Variants in IGFBP2 observed in about 807,000 individuals in gnomAD.
IGFBP2 encodes insulin like growth factor binding protein 2.
Under a neutral mutation model 26.2 loss-of-function variants are expected in IGFBP2, and 12 were observed. The ratio of observed to expected loss-of-function variants is 0.46; its 90% CI spans 0.29 to 0.74. The LOEUF is 0.74. Ranked by LOEUF, IGFBP2 falls within the 30% of genes least tolerant of loss-of-function variation. IGFBP2 has a pLI of 0.09. For synonymous variants in IGFBP2, 189 were observed against 200.6 expected, an observed-to-expected ratio of 0.94 and a Z score of 0.49; for missense variants, 328 against 441.2, an observed-to-expected ratio of 0.74 and a Z score of 2.30.
At chr2:216,641,324 G>A (rs1451574743) in intron 1 of IGFBP2, among the ~76,000 whole-genome samples, 5 of 152,206 alleles carry the variant, frequency 3.3e-5, no homozygotes, top group Non-Finnish European at 7.3e-5. Flanking sequence ...GGTCTACCAT[G>A]TACTAATCAC....
intron 1 of IGFBP2, among the ~76,000 whole-genome samples, chr2:216,652,069 AT>A (rs1394794859): frequency 6.6e-6 from 1 of 151,416 alleles, no homozygotes; most frequent in Non-Finnish European, 1.5e-5. Flanking sequence ...GCCACCACAC[AT>A]TTTTTTCTAA....
Position 216,633,685 on chromosome 2 carries a change from G to T in IGFBP2, c.162G>T (p.Gly54=). ...CACCCGAGCGCCTGGCCGCCTGCGG[G>T]CCCCCGCCGGTTGCGCCGCCCGCCG... is the stretch of plus-strand genomic sequence containing the variant. ...PCTPERLAAC[G]PPPVAPPAAV... Residue 54 remains glycine (G), a synonymous_variant, in exon 1 of 4, where the codon GGG becomes GGT. Coordinates refer to ENST00000233809, the MANE Select transcript of IGFBP2 (RefSeq NM_000597.3). 2 of 1,148,668 alleles carry T rather than the reference G, an allele frequency of 1.7e-6. No individual in the cohort carries two copies. The highest frequency in any genetic ancestry group is 2.1e-6 in the Non-Finnish European group (2 of 936,812). 71.2% of individuals were successfully genotyped at this position (1,148,668 alleles called of 1,614,324 possible). A position where few individuals can be genotyped will look rare whatever the true frequency, so the allele number is the denominator to read the frequency against.
chr2:216,645,276 C>T (rs202008950), intron 1 of IGFBP2, among the ~76,000 whole-genome samples: 6 of 152,068 alleles, frequency 3.9e-5, no homozygotes, highest in African/African-American at 4.8e-5. Flanking sequence ...GAGGCTTTTG[C>T]GGTTGAGTAG....
chr2:216,633,480 C>T lies in IGFBP2; in HGVS notation c.-44C>T, dbSNP rs1697423601. On this transcript the variant is annotated 5_prime_UTR_variant, in exon 1 of 4. Coordinates refer to ENST00000233809, the MANE Select transcript of IGFBP2 (RefSeq NM_000597.3). ...AGGGCCGTGCCACCTGCCCGCCCGC[C>T]CGCTCGCTCGCTCGCCCGCCGCGCC... 3 of 500,538 alleles carry T rather than the reference C, an allele frequency of 6.0e-6. No individual in the cohort carries two copies. The highest frequency in any genetic ancestry group is 8.0e-5 in the South Asian group (1 of 12,530). The allele number at this position is 500,538 out of a possible 1,614,324, so 31.0% of individuals were successfully genotyped here.
At chr2:216,653,349 C>T (rs955078863) in intron 1 of IGFBP2, among the ~76,000 whole-genome samples, 2 of 152,182 alleles carry the variant, frequency 1.3e-5, no homozygotes, top group Admixed American at 6.5e-5. Context: ...ATCATTGATG[C>T]AACAAACAGG....
intron 1 of IGFBP2, among the ~76,000 whole-genome samples, chr2:216,652,780 A>G (rs1023207605): frequency 1.3e-5 from 2 of 152,246 alleles, no homozygotes; most frequent in Admixed American, 6.5e-5. Flanking sequence ...TTTTCTGCCC[A>G]GCTAGGGTGG....
intron 1 of IGFBP2, among the ~76,000 whole-genome samples, chr2:216,644,271 G>T (rs1056144353): frequency 1.3e-5 from 2 of 152,166 alleles, no homozygotes; most frequent in Non-Finnish European, 2.9e-5. Context: ...GGCAGGGCAG[G>T]AGGGAAGATT....
chr2:216,636,692 C>T (rs1697503198), intron 1 of IGFBP2, among the ~76,000 whole-genome samples: 2 of 152,100 alleles, frequency 1.3e-5, no homozygotes, highest in Admixed American at 6.5e-5. Flanking sequence ...CTAGAAATGT[C>T]AGGGTCGAGG....
intron 1 of IGFBP2, among the ~76,000 whole-genome samples, chr2:216,646,445 G>A (rs76198863): frequency 9.2e-5 from 14 of 152,270 alleles, no homozygotes; most frequent in East Asian, 3.9e-4. Flanking sequence ...TTGCTGATAC[G>A]GGCTCTAGAT....
intron 1 of IGFBP2, among the ~76,000 whole-genome samples, chr2:216,646,450 C>G (rs1431889829): frequency 6.6e-6 from 1 of 152,178 alleles, no homozygotes; most frequent in Non-Finnish European, 1.5e-5. Context: ...GATACGGGCT[C>G]TAGATGAGGC....
chr2:216,647,619 G>A (rs555061701), intron 1 of IGFBP2, among the ~76,000 whole-genome samples: 1 of 151,876 alleles, frequency 6.6e-6, no homozygotes, highest in African/African-American at 2.4e-5. Flanking sequence ...TCCCGGGTTT[G>A]CACCATTCTC....
chr2:216,654,540 A>G (rs1408729878), intron 1 of IGFBP2, among the ~76,000 whole-genome samples: 1 of 152,194 alleles, frequency 6.6e-6, no homozygotes, highest in Admixed American at 6.5e-5. Flanking sequence ...AGTAACAAGG[A>G]ATGCAGGCTT....
intron 1 of IGFBP2, among the ~76,000 whole-genome samples, chr2:216,650,621 G>A (rs1027278267): frequency 2.0e-5 from 3 of 152,278 alleles, no homozygotes; most frequent in South Asian, 2.1e-4. Context: ...GAGCTCTTCC[G>A]CACTCAGCTG....
rs568609903 is a variant in IGFBP2, at chr2:216,652,100, T to C, written c.443-8457T>C. On this transcript the variant is annotated intron_variant, in intron 1 of 3. Coordinates refer to ENST00000233809, the MANE Select transcript of IGFBP2 (RefSeq NM_000597.3). ...TTCTAAAGCTTGGTTTTGGCCACAG[T>C]GAGAGTTTCTTGGGCTGTCAGGGGT... is the stretch of plus-strand genomic sequence containing the variant. Among the ~76,000 whole-genome samples, 55 of 151,278 alleles carry C rather than the reference T, an allele frequency of 3.6e-4. 1 individual carries two copies. Among genetic ancestry groups the C allele is most frequent in the Middle Eastern group, 3.5e-3 (1 of 288 alleles).
chr2:216,658,130 T>C (rs996666692), intron 1 of IGFBP2, among the ~76,000 whole-genome samples: 1 of 152,192 alleles, frequency 6.6e-6, no homozygotes, highest in African/African-American at 2.4e-5. Flanking sequence ...GTTTTCTTAG[T>C]GTCCTCTTTC....
rs1697997916 is a variant in IGFBP2, at chr2:216,659,812, G to C, written c.443-745G>C. The C allele has an allele frequency of 6.2e-6, 8 of 1,292,508 alleles. No homozygotes were observed. The South Asian group carries it at 8.8e-5, about 14-fold the overall frequency. The allele number at this position is 1,292,508 out of a possible 1,614,324, so 80.1% of individuals were successfully genotyped here. ...TTCTTGGGGCTCTCAGTATAATGGG[G>C]TTGGGGTGGGCTGCACAGACAGACT... On this transcript the variant is annotated intron_variant, in intron 1 of 3. Coordinates refer to ENST00000233809, the MANE Select transcript of IGFBP2 (RefSeq NM_000597.3).
At position 216,664,107 on chromosome 2, in the gene IGFBP2, C is replaced by A. The variant is rs544859532; in HGVS notation, c.*3C>A. 1.9e-6 allele frequency: 3 copies of A among 1,583,248 alleles called. No individual in the cohort carries two copies. The highest frequency in any genetic ancestry group is 2.6e-6 in the Non-Finnish European group (3 of 1,163,002). ...TGCACACCCAGCGGATGCAGTAGAC[C>A]GCAGCCAGCCGGTGCCTGGCGCCCC... On this transcript the variant is annotated 3_prime_UTR_variant, in exon 4 of 4. Transcript: ENST00000233809. The surrounding 1 kb of genome is among the most constrained non-coding windows in gnomAD (Gnocchi z 4.6).
chr2:216,655,793 G>A (rs1697909220), intron 1 of IGFBP2, among the ~76,000 whole-genome samples: 1 of 151,988 alleles, frequency 6.6e-6, no homozygotes, highest in Non-Finnish European at 1.5e-5. Context: ...TACTCGAGAA[G>A]CTGAGGCAGG....
chr2:216,663,200 T>A (rs1222736070), intron 3 of IGFBP2: 1 of 152,242 alleles, frequency 6.6e-6, no homozygotes, highest in Admixed American at 6.5e-5. Context: ...GCTGGCTAAC[T>A]CCATTTGGAG....
Sources: allele counts gnomAD v4.1 joint callset (sites outside exome capture counted in the v4.1 genomes callset), GRCh38; gene constraint gnomAD v4.1.1; non-coding constraint Gnocchi (gnomAD v3.1); transcripts MANE v1.5; gene names NCBI Gene and HGNC (gene_info 2026-07-23, HGNC 2026-07-21).